Variants in ANK3 observed in about 807,000 individuals in gnomAD.
The protein encoded by ANK3 is ankyrin 3.
A neutral mutation model predicts 370.9 loss-of-function variants in ANK3; 57 were observed. The observed-to-expected ratio is 0.15, with a 90% confidence interval of 0.12 to 0.19. ANK3 has a LOEUF of 0.19. ANK3 is among the 10% of genes least tolerant of loss of function. ANK3 has a pLI of 1.00. For synonymous variants in ANK3, 1,929 were observed against 1,946.3 expected, an observed-to-expected ratio of 0.99 and a Z score of 0.23; for missense variants, 4,439 against 5,302.1, an observed-to-expected ratio of 0.84 and a Z score of 5.06.
intron 2 of ANK3, among the ~76,000 whole-genome samples, chr10:60,456,287 G>A (rs2064745470): frequency 6.6e-6 from 1 of 152,188 alleles, no homozygotes; most frequent in African/African-American, 2.4e-5. Context: ...ATCTTCCCTA[G>A]GAGATTGAGT....
chr10:60,550,921 T>C (rs1428521968), intron 2 of ANK3, among the ~76,000 whole-genome samples: 1 of 152,126 alleles, frequency 6.6e-6, no homozygotes, highest in African/African-American at 2.4e-5. Flanking sequence ...GCAATGTCTC[T>C]TCAGGAGTGA....
At chr10:60,038,970 A>T (rs1463735701) in intron 43 of ANK3, among the ~76,000 whole-genome samples, 1 of 151,994 alleles carries the variant, frequency 6.6e-6, no homozygotes, top group Non-Finnish European at 1.5e-5. Flanking sequence ...TTTCAGAGAG[A>T]CCTTCCCTAG....
intron 1 of ANK3, among the ~76,000 whole-genome samples, chr10:60,280,896 C>T (rs551561794): frequency 3.3e-5 from 5 of 152,156 alleles, no homozygotes; most frequent in African/African-American, 7.2e-5. Context: ...GAACTCTCTT[C>T]GTATTTACTA....
intron 8 of ANK3, among the ~76,000 whole-genome samples, chr10:60,219,017 T>C (rs1345069400): frequency 6.6e-6 from 1 of 151,922 alleles, no homozygotes; most frequent in Non-Finnish European, 1.5e-5. Context: ...GCATGCCTTA[T>C]TTCAGCAAGG....
intron 1 of ANK3, among the ~76,000 whole-genome samples, chr10:60,383,029 A>T (rs1429945268): frequency 6.6e-6 from 1 of 152,024 alleles, no homozygotes; most frequent in Non-Finnish European, 1.5e-5. Context: ...TTCACCCTGG[A>T]TGTCCATTAA....
At chr10:60,145,873 G>A (rs1183712095) in intron 23 of ANK3, 2 of 685,206 alleles carry the variant, frequency 2.9e-6, no homozygotes, top group South Asian at 1.6e-5. Context: ...CTGGCACATA[G>A]TAGGTGCTCA....
At chr10:60,733,332 C>T (rs2080055063) in exon 1 of ANK3, 3 of 1,233,676 alleles carry the variant, frequency 2.4e-6, no homozygotes, top group Non-Finnish European at 1.0e-6. Context: ...TGTGGGGCTG[C>T]TGCTGCTGCT....
intron 1 of ANK3, among the ~76,000 whole-genome samples, chr10:60,672,846 C>T (rs1463894224): frequency 1.3e-5 from 2 of 152,114 alleles, no homozygotes; most frequent in Non-Finnish European, 2.9e-5. Flanking sequence ...TGACTCTACT[C>T]GAGGCAAGCA....
Position 60,261,878 on chromosome 10 carries a change from G to T in ANK3, c.779C>A (p.Ala260Asp). The T allele has an allele frequency of 6.2e-7, 1 of 1,614,078 alleles. No individual in the cohort carries two copies. Among genetic ancestry groups the T allele is most frequent in the Non-Finnish European group, 8.5e-7 (1 of 1,179,980 alleles). The change falls in exon 7 of 44, where the codon GCT becomes GAT. Residue 260 changes from alanine to aspartate, a missense_variant. By Grantham distance (126) the Ala-to-Asp change is moderately radical. This residue lies in a region of ANK3 where 227 missense variants were observed against 377.6 expected (regional missense o/e 0.60). Coordinates refer to ENST00000280772, the MANE Select transcript of ANK3 (RefSeq NM_020987.5). ...VATLLLNRAAAVDFTARNDIT... is the reference protein window; with the variant it reads ...VATLLLNRAADVDFTARNDIT... ...TCTTACCCTTGCGGTGAAATCCACA[G>T]CAGCCGCTCGGTTTAACAGCAACGT...
Position 60,127,066 on chromosome 10 carries a change from T to C in ANK3, c.2841+7205A>G, listed in dbSNP as rs116031820. ...CGGTTGAATCCAGCTCAAATGATGG[T>C]AGGAATCATTGGTCTTCACATTCTA... On this transcript the variant is annotated intron_variant, in intron 25 of 43. Transcript: ENST00000280772. Among the ~76,000 whole-genome samples, 1,188 of 152,294 alleles carry C rather than the reference T, an allele frequency of 7.8e-3. 14 individuals are homozygous for C. Among genetic ancestry groups the C allele is most frequent in the African/African-American group, 0.027 (1,128 of 41,556 alleles).
At chr10:60,040,048 T>A (rs2075817601) in intron 43 of ANK3, among the ~76,000 whole-genome samples, 1 of 152,180 alleles carries the variant, frequency 6.6e-6, no homozygotes, top group African/African-American at 2.4e-5. Flanking sequence ...TTGGAAGGAT[T>A]AAATAAGACA....
chr10:60,241,565 G>A (rs2097458988), intron 7 of ANK3, among the ~76,000 whole-genome samples: 1 of 151,964 alleles, frequency 6.6e-6, no homozygotes, highest in Non-Finnish European at 1.5e-5. Flanking sequence ...AAGACCCCAG[G>A]TTTCCCAACT....
At position 60,142,636 on chromosome 10, in the gene ANK3, C is replaced by T. The variant is rs556114630; in HGVS notation, c.2615-3549G>A. On this transcript the variant is annotated intron_variant, in intron 23 of 43. Transcript: ENST00000280772. ...AAGTAAGTTTCCATTATTCTTTAGC[C>T]GTACTTCTTAGACTTCAGAAATGGT... 1.1e-4 allele frequency among the ~76,000 whole-genome samples: 17 copies of T among 151,872 alleles called. No individual in the cohort carries two copies. In the South Asian group the frequency reaches 2.7e-3, roughly 24 times the overall value.
At chr10:60,545,054 A>G (rs2076932424) in intron 2 of ANK3, among the ~76,000 whole-genome samples, 1 of 151,036 alleles carries the variant, frequency 6.6e-6, no homozygotes, top group South Asian at 2.1e-4. Context: ...TAAAAACGTT[A>G]AACAACCATA....
intron 28 of ANK3, among the ~76,000 whole-genome samples, chr10:60,096,715 G>A (rs1277991386): frequency 6.6e-6 from 1 of 151,900 alleles, no homozygotes; most frequent in Non-Finnish European, 1.5e-5. Context: ...ATGACAACAG[G>A]ACCCTATAAA....
chr10:60,246,108 T>C (rs942099001), intron 7 of ANK3, among the ~76,000 whole-genome samples: 1 of 151,818 alleles, frequency 6.6e-6, no homozygotes, highest in Non-Finnish European at 1.5e-5. Flanking sequence ...ATAGAAAAAT[T>C]AGCCAGGCAT....
At chr10:60,126,697 A>G (rs559044147) in intron 25 of ANK3, among the ~76,000 whole-genome samples, 212 of 152,166 alleles carry the variant, frequency 1.4e-3, no homozygotes, top group African/African-American at 4.7e-3. Context: ...CAAAAAAAAA[A>G]AAAGAAAAGA....
At position 60,157,316 on chromosome 10, in the gene ANK3, C is replaced by T. The variant is rs1251811896; in HGVS notation, c.2614+9275G>A. Reference sequence around the variant, plus strand: ...CGTCCCAAAGTGCTGGGACTACAGGCGTGAGCCACTGTGCCCGGCTTTTTT... The same window carrying T: ...CGTCCCAAAGTGCTGGGACTACAGGTGTGAGCCACTGTGCCCGGCTTTTTT... On this transcript the variant is annotated intron_variant, in intron 23 of 43. Transcript: ENST00000280772. 5.5e-5 allele frequency among the ~76,000 whole-genome samples: 8 copies of T among 145,472 alleles called. No individual in the cohort carries two copies. The South Asian group carries it at 6.6e-4, about 12-fold the overall frequency.
intron 12 of ANK3, among the ~76,000 whole-genome samples, chr10:60,200,952 T>G (rs1018380725): frequency 1.3e-5 from 2 of 152,206 alleles, no homozygotes; most frequent in African/African-American, 4.8e-5. Context: ...CTAATCCAGA[T>G]TACTTCTTTA....
Sources: allele counts gnomAD v4.1 joint callset (sites outside exome capture counted in the v4.1 genomes callset), GRCh38; gene constraint gnomAD v4.1.1; regional missense constraint gnomAD v4.1.1; transcripts MANE v1.5; gene names NCBI Gene and HGNC (gene_info 2026-07-23, HGNC 2026-07-21).